NBAS: variants seen among roughly 807,000 people sequenced by gnomAD.
The protein encoded by NBAS is NBAS subunit of NRZ tethering complex.
In NBAS, 219 loss-of-function variants were observed where a neutral mutation model predicts 302.5. That is an observed-to-expected ratio of 0.72 (90% CI 0.65 to 0.81). The LOEUF is 0.81. NBAS is among the 30% of genes least tolerant of loss of function. NBAS has a pLI of 0.00. For missense variants in NBAS, 2,932 were observed against 2,841.6 expected (o/e 1.03, Z -0.72); for synonymous variants, 1,118 against 1,021.6 (o/e 1.09, Z -1.80).
intron 32 of NBAS, among the ~76,000 whole-genome samples, chr2:15,362,577 A>C (rs1197357935): frequency 6.6e-6 from 1 of 152,102 alleles, no homozygotes; most frequent in African/African-American, 2.4e-5. Context: ...AGAATAACAC[A>C]CTCATGATTT....
chr2:15,376,117 T>C (rs1674723404), intron 30 of NBAS, among the ~76,000 whole-genome samples: 1 of 152,220 alleles, frequency 6.6e-6, no homozygotes, highest in East Asian at 1.9e-4. Flanking sequence ...TTGTATTGTT[T>C]GGATATCTAT....
intron 35 of NBAS, among the ~76,000 whole-genome samples, chr2:15,334,660 T>G (rs1028144392): frequency 3.3e-5 from 5 of 152,230 alleles, no homozygotes; most frequent in African/African-American, 1.2e-4. Flanking sequence ...AGAAAAAGTA[T>G]GCAAAAGAAA....
the NBAS span, among the ~76,000 whole-genome samples, chr2:15,011,455 G>A: frequency 6.6e-6 from 1 of 152,094 alleles, no homozygotes; most frequent in African/African-American, 2.4e-5. Context: ...GCAGTCCTGT[G>A]CCTGTGTTTC....
At chr2:15,093,634 A>G in the NBAS span, among the ~76,000 whole-genome samples, 4 of 152,232 alleles carry the variant, frequency 2.6e-5, no homozygotes, top group Admixed American at 2.6e-4. Flanking sequence ...TTCTATAAGG[A>G]ACTTTATCAG....
the NBAS span, among the ~76,000 whole-genome samples, chr2:15,097,562 G>C: frequency 6.6e-6 from 1 of 152,010 alleles, no homozygotes; most frequent in Admixed American, 6.6e-5. Context: ...CAGCATGATG[G>C]GGTTCTGGTA....
rs1558509156 is a variant in NBAS at position 15,292,727 on chromosome 2, C to T, written c.4837G>A (p.Val1613Met). ...KELIKMVTRH[V>M]TRHEHEAWPE... ...CAGGCTTCGTGCTCATGTCGAGTCA[C>T]ATGCCTGGTGACCATCTTGATTAGT... The change falls in exon 41 of 52, where the codon GTG becomes ATG. Residue 1613 changes from valine (V) to methionine (M), a missense_variant. Coordinates refer to ENST00000281513, the MANE Select transcript of NBAS (RefSeq NM_015909.4). The T allele has an allele frequency of 6.2e-7, 1 of 1,614,216 alleles. No homozygotes were observed. Among genetic ancestry groups the T allele is most frequent in the East Asian group, 2.2e-5 (1 of 44,874 alleles).
intron 35 of NBAS, among the ~76,000 whole-genome samples, chr2:15,341,397 T>C (rs985539263): frequency 7.5e-6 from 1 of 132,618 alleles, no homozygotes; most frequent in African/African-American, 2.6e-5. Flanking sequence ...AATAAATAAA[T>C]AAATGAATAA....
At chr2:15,098,227 T>A in the NBAS span, among the ~76,000 whole-genome samples, 3 of 20,596 alleles carry the variant, frequency 1.5e-4, no homozygotes, top group African/African-American at 2.2e-4. Context: ...ATTGTATATA[T>A]TATATTGTAT....
intron 48 of NBAS, among the ~76,000 whole-genome samples, chr2:15,208,675 T>TA (rs768923001): frequency 2.0e-5 from 3 of 151,844 alleles, no homozygotes; most frequent in East Asian, 3.9e-4. Context: ...CTTAAAACAT[T>TA]AAAAAAATGG....
At chr2:15,152,968 A>G in the NBAS span, among the ~76,000 whole-genome samples, 1 of 152,262 alleles carries the variant, frequency 6.6e-6, no homozygotes, top group African/African-American at 2.4e-5. Flanking sequence ...TAGGGCCAAG[A>G]TCCACAGTAA....
chr2:15,042,198 C>T, the NBAS span, among the ~76,000 whole-genome samples: 1 of 152,182 alleles, frequency 6.6e-6, no homozygotes, highest in Non-Finnish European at 1.5e-5. Context: ...TGGCCTTTCC[C>T]CTCCGTTCTT....
intron 50 of NBAS, among the ~76,000 whole-genome samples, chr2:15,184,272 G>A (rs1292251492): frequency 1.3e-5 from 2 of 152,130 alleles, no homozygotes; most frequent in African/African-American, 4.8e-5. Flanking sequence ...TTATTCCATG[G>A]ACTATGGAAT....
the NBAS span, among the ~76,000 whole-genome samples, chr2:14,787,762 C>T: frequency 4.6e-5 from 7 of 152,124 alleles, no homozygotes; most frequent in Non-Finnish European, 1.0e-4. Context: ...ATATTTTTTC[C>T]TTCATTTCAA....
At chr2:15,283,024 C>T (rs1266529951) in intron 42 of NBAS, among the ~76,000 whole-genome samples, 3 of 152,230 alleles carry the variant, frequency 2.0e-5, no homozygotes, top group South Asian at 2.1e-4. Flanking sequence ...ACTTGCTTTT[C>T]GGCAGCTTTT....
intron 44 of NBAS, among the ~76,000 whole-genome samples, chr2:15,244,142 A>T (rs1667984191): frequency 6.6e-6 from 1 of 152,190 alleles, no homozygotes; most frequent in Non-Finnish European, 1.5e-5. Context: ...AAATGAAAAG[A>T]CCCTGTAGAT....
chr2:15,251,623 C>T (rs1279004476), intron 44 of NBAS, among the ~76,000 whole-genome samples: 3 of 152,086 alleles, frequency 2.0e-5, no homozygotes, highest in Admixed American at 6.5e-5. Context: ...ATTCATGTCT[C>T]CCCTTTTTAG....
At chr2:14,960,685 T>A in the NBAS span, among the ~76,000 whole-genome samples, 2 of 152,190 alleles carry the variant, frequency 1.3e-5, no homozygotes, top group Non-Finnish European at 2.9e-5. Context: ...ATTGAGCTCT[T>A]TAGCCTTTTG....
downstream of NBAS, among the ~76,000 whole-genome samples, chr2:15,162,666 T>A (rs190967130): frequency 6.6e-6 from 1 of 152,320 alleles, no homozygotes; most frequent in African/African-American, 2.4e-5. Flanking sequence ...TTCCTTCTCG[T>A]ATCTACCGCT....
the NBAS span, among the ~76,000 whole-genome samples, chr2:15,015,518 C>T: frequency 6.6e-6 from 1 of 152,038 alleles, no homozygotes; most frequent in African/African-American, 2.4e-5. Flanking sequence ...ATCGCATAAC[C>T]AGAATAAAGG....
Sources: allele counts gnomAD v4.1 joint callset (sites outside exome capture counted in the v4.1 genomes callset), GRCh38; gene constraint gnomAD v4.1.1; transcripts MANE v1.5; gene names NCBI Gene and HGNC (gene_info 2026-07-23, HGNC 2026-07-21).